The following SLC12A6 variants were observed in gnomAD, a reference collection of about 807,000 sequenced individuals.
SLC12A6 encodes K-Cl cotransporter 3.
SLC12A6 carries 66 observed loss-of-function variants against 135.3 expected under a neutral mutation model. The observed-to-expected ratio is 0.49, with a 90% CI of 0.40 to 0.60. SLC12A6 has a LOEUF of 0.60. SLC12A6 is among the 20% of genes least tolerant of loss of function. The probability of loss-of-function intolerance (pLI) is 0.00; values close to 1 mark genes in which losing one functional copy is unlikely to be tolerated. For missense variants in SLC12A6, 1,058 were observed against 1,452.3 expected (o/e 0.73, Z 4.41); for synonymous variants, 513 against 508.8 (o/e 1.01, Z -0.11).
At chr15:34,245,452 C>G (rs377736144) in intron 14 of SLC12A6, 49 bp from the exon 15 acceptor site, 1 of 1,085,584 alleles carries the variant, frequency 9.2e-7, no homozygotes, top group African/African-American at 1.5e-5. Flanking sequence ...AGTCATTGCT[C>G]TCTGATTTCT....
intron 20 of SLC12A6, chr15:34,238,724 A>C (rs1322189561): frequency 3.3e-6 from 2 of 607,056 alleles, no homozygotes; most frequent in African/African-American, 1.9e-5. Context: ...ACAAATGAAA[A>C]CACGGCAATT....
chr15:34,265,515 G>A (rs1893449659), intron 3 of SLC12A6, among the ~76,000 whole-genome samples: 1 of 152,180 alleles, frequency 6.6e-6, no homozygotes, highest in Non-Finnish European at 1.5e-5. Flanking sequence ...GAGAGACTGT[G>A]ACTAGGGAGG....
At chr15:34,308,445 T>C (rs1887890635) in intron 2 of SLC12A6, among the ~76,000 whole-genome samples, 1 of 151,802 alleles carries the variant, frequency 6.6e-6, no homozygotes, top group South Asian at 2.1e-4. Flanking sequence ...GCCAACATGG[T>C]GAAACCCTGT....
intron 2 of SLC12A6, among the ~76,000 whole-genome samples, chr15:34,319,623 A>C (rs2141121427): frequency 6.6e-6 from 1 of 151,836 alleles, no homozygotes; most frequent in African/African-American, 2.4e-5. Flanking sequence ...ACATGGGGAA[A>C]CCCTATCTCT....
At chr15:34,276,495 T>A (rs372402264) in intron 2 of SLC12A6, among the ~76,000 whole-genome samples, 2 of 152,168 alleles carry the variant, frequency 1.3e-5, no homozygotes, top group East Asian at 3.8e-4. Context: ...ATTTTAAAGG[T>A]TTGAAAAGCA....
chr15:34,305,433 A>C (rs10467959), intron 2 of SLC12A6, among the ~76,000 whole-genome samples: 5,783 of 116,420 alleles, frequency 0.05, 215 homozygotes, highest in African/African-American at 0.12. Flanking sequence ...TGAAATATTT[A>C]TTTTACTTGA....
chr15:34,302,420 G>C (rs143602198), intron 2 of SLC12A6, among the ~76,000 whole-genome samples: 51 of 152,364 alleles, frequency 3.3e-4, no homozygotes, highest in African/African-American at 1.2e-3. Flanking sequence ...GGCTAGCCAG[G>C]TGTGGTGGCT....
intron 3 of SLC12A6, among the ~76,000 whole-genome samples, chr15:34,262,136 C>G (rs1224749509): frequency 6.6e-6 from 1 of 152,216 alleles, no homozygotes; most frequent in Non-Finnish European, 1.5e-5. Flanking sequence ...AATCCATGGA[C>G]TGAACTGAGA....
chr15:34,336,692 T>C lies in SLC12A6; in HGVS notation c.-12A>G, dbSNP rs1164070064. ...TCTGGAGGATGCATTTTGTTCTTTT[T>C]AAGAACAAAAAAAGTGGGGGGAACC... On this transcript the variant is annotated 5_prime_UTR_variant, in exon 2 of 26. Transcript: ENST00000354181. 1.2e-6 allele frequency: 2 copies of C among 1,612,944 alleles called. No homozygotes were observed. Among genetic ancestry groups the C allele is most frequent in the African/African-American group, 1.3e-5 (1 of 74,782 alleles).
At chr15:34,324,795 G>A (rs992062298) in intron 2 of SLC12A6, among the ~76,000 whole-genome samples, 1 of 152,152 alleles carries the variant, frequency 6.6e-6, no homozygotes, top group African/African-American at 2.4e-5. Context: ...AGGCGAACAT[G>A]AAAGGATGTG....
intron 3 of SLC12A6, among the ~76,000 whole-genome samples, chr15:34,261,740 C>T (rs74928353): frequency 0.027 from 4,165 of 152,338 alleles, 193 homozygotes; most frequent in African/African-American, 0.095. Context: ...TCTGCCTCCA[C>T]AGCTGTCTGA....
At position 34,231,383 on chromosome 15, in the gene SLC12A6, C is replaced by G. The variant is rs1397325230; in HGVS notation, c.*2498G>C. ...GTCTCGGAAAAAAAAAAAAAAGATA[C>G]TGGATCCTGCAGGACATGACTCACT... On this transcript the variant is annotated 3_prime_UTR_variant, in exon 26 of 26. Coordinates refer to ENST00000354181, the MANE Select transcript of SLC12A6 (RefSeq NM_001365088.1). 1.3e-5 allele frequency: 2 copies of G among 150,180 alleles called. No individual in the cohort carries two copies. The highest frequency in any genetic ancestry group is 3.0e-5 in the Non-Finnish European group (2 of 67,750). The allele number at this position is 150,180 out of a possible 1,614,324, so 9.3% of individuals were successfully genotyped here.
chr15:34,336,848 T>C lies in SLC12A6; in HGVS notation c.-72-96A>G, dbSNP rs186569088. On this transcript the variant is annotated intron_variant, in intron 1 of 25. Transcript: ENST00000354181. The stretch of plus-strand genomic sequence containing the variant: ...CAACTAAGAATACTTCTACTCAGAA[T>C]TCAAGCCGACTGTCCTAGAAAGTGC... The C allele has an allele frequency of 1.1e-4, 74 of 660,740 alleles. No individual in the cohort carries two copies. The East Asian group carries it at 1.4e-3, about 12-fold the overall frequency. 40.9% of individuals were successfully genotyped at this position (660,740 alleles called of 1,614,324 possible). A position where few individuals can be genotyped will look rare whatever the true frequency, so the allele number is the denominator to read the frequency against.
At chr15:34,238,507 G>T (rs1386933461) in intron 20 of SLC12A6, 106 bp from the exon 21 acceptor site, 6 of 845,626 alleles carry the variant, frequency 7.1e-6, no homozygotes, top group South Asian at 5.6e-5. Context: ...TTGAGCAAGG[G>T]GTCCTATTTA....
At chr15:34,294,289 G>C (rs183133275) in intron 2 of SLC12A6, among the ~76,000 whole-genome samples, 1 of 152,014 alleles carries the variant, frequency 6.6e-6, no homozygotes, top group Admixed American at 6.6e-5. Flanking sequence ...CTGGAGTGCA[G>C]TGGTGTGATC....
At chr15:34,330,178 C>T (rs73374473) in intron 2 of SLC12A6, among the ~76,000 whole-genome samples, 28,831 of 152,090 alleles carry the variant, frequency 0.19, 3,108 homozygotes, top group East Asian at 0.33. Flanking sequence ...TTGGCTGATA[C>T]GGCTCTTTTT....
In SLC12A6 at chr15:34,305,790, G is replaced by A. The variant is rs551099995; in HGVS notation, c.272-30401C>T. Reference sequence around the variant, plus strand: ...TTTTTTTTTTTAAAGATGGAGTCTCGCTCTGTCACCCAGGCTAAAGGGAGT... The same window carrying A: ...TTTTTTTTTTTAAAGATGGAGTCTCACTCTGTCACCCAGGCTAAAGGGAGT... On this transcript the variant is annotated intron_variant, in intron 2 of 25. Coordinates refer to ENST00000354181, the MANE Select transcript of SLC12A6 (RefSeq NM_001365088.1). Among the ~76,000 whole-genome samples, 194 of 139,558 alleles carry A rather than the reference G, an allele frequency of 1.4e-3. 1 individual carries two copies. The highest frequency in any genetic ancestry group is 2.2e-3 in the Non-Finnish European group (147 of 65,708). 91.6% of individuals were successfully genotyped at this position (139,558 alleles called of 152,430 possible). A position where few individuals can be genotyped will look rare whatever the true frequency, so the allele number is the denominator to read the frequency against.
chr15:34,336,513 C>G lies in SLC12A6; in HGVS notation c.168G>C (p.Arg56=). ...CAGACATCTCACTCATAGGCTCACT[C>G]CGGCTTGTTTCAGGCACGCTTTCCC... is the stretch of plus-strand genomic sequence containing the variant. The part of the protein sequence containing the change: ...SSRESVPETS[R]SEPMSEMSGA... The change falls in exon 2 of 26, where the codon CGG becomes CGC. Residue 56 remains arginine, a synonymous_variant. Coordinates refer to ENST00000354181, the MANE Select transcript of SLC12A6 (RefSeq NM_001365088.1). 6.2e-7 allele frequency: 1 copy of G among 1,614,010 alleles called. No homozygotes were observed. The highest frequency in any genetic ancestry group is 1.1e-5 in the South Asian group (1 of 91,076).
At chr15:34,315,729 TA>T (rs931046067) in intron 2 of SLC12A6, among the ~76,000 whole-genome samples, 44 of 152,290 alleles carry the variant, frequency 2.9e-4, no homozygotes, top group African/African-American at 1.0e-3. Context: ...CTTACGCCTG[TA>T]ATCCCAGCAC....
Sources: gnomAD v4.1 joint callset for allele counts (sites outside exome capture counted in the v4.1 genomes callset) on GRCh38, gnomAD v4.1.1 for gene constraint, MANE v1.5 for transcripts, NCBI Gene and HGNC (gene_info 2026-07-23, HGNC 2026-07-21) for gene names.